FHIT: variants seen among roughly 807,000 people sequenced by gnomAD.
FHIT encodes the protein fragile histidine triad diadenosine triphosphatase, also known as bis(5'-adenosyl)-triphosphatase.
FHIT carries 19 observed loss-of-function variants against 17.9 expected under a neutral mutation model. The ratio of observed to expected loss-of-function variants is 1.06; its 90% CI spans 0.74 to 1.56. The LOEUF (loss-of-function observed/expected upper bound fraction) is 1.56. Among genes scored for constraint, FHIT ranks in the 40% most tolerant of loss-of-function variants. FHIT has a pLI of 0.00. For synonymous variants in FHIT, 81 were observed against 69.7 expected, an observed-to-expected ratio of 1.16 and a Z score of -0.81; for missense variants, 248 against 189.2, an observed-to-expected ratio of 1.31 and a Z score of -1.82.
intron 5 of FHIT, among the ~76,000 whole-genome samples, chr3:60,187,688 T>C (rs1374196969): frequency 1.3e-5 from 2 of 152,196 alleles, no homozygotes; most frequent in Non-Finnish European, 2.9e-5. Flanking sequence ...TATTGTCCTA[T>C]TTCAATACAA....
At chr3:59,964,276 A>C (rs972432786) in intron 7 of FHIT, among the ~76,000 whole-genome samples, 5 of 152,150 alleles carry the variant, frequency 3.3e-5, no homozygotes, top group South Asian at 2.1e-4. Context: ...GAACATTTGA[A>C]ATTAGCTTGA....
intron 4 of FHIT, among the ~76,000 whole-genome samples, chr3:60,651,755 C>A (rs1190846717): frequency 6.6e-6 from 1 of 152,194 alleles, no homozygotes; most frequent in South Asian, 2.1e-4. Context: ...TCATTCCAAG[C>A]ATTAGATTAA....
At chr3:60,186,179 G>A (rs548031034) in intron 5 of FHIT, among the ~76,000 whole-genome samples, 2 of 151,700 alleles carry the variant, frequency 1.3e-5, no homozygotes, top group East Asian at 1.9e-4. Flanking sequence ...CATGCATTAT[G>A]TTTTTGGTGG....
chr3:60,936,189 G>A (rs1708184919), intron 3 of FHIT, among the ~76,000 whole-genome samples: 1 of 152,074 alleles, frequency 6.6e-6, no homozygotes. Flanking sequence ...GTACATCAAG[G>A]GTTCCACTTT....
intron 3 of FHIT, among the ~76,000 whole-genome samples, chr3:60,983,586 C>CCA (rs976476989): frequency 3.9e-5 from 6 of 152,160 alleles, no homozygotes; most frequent in African/African-American, 1.4e-4. Context: ...CTGTAACAGC[C>CCA]TTTGGCCCTT....
chr3:60,623,183 T>C (rs58388563), intron 4 of FHIT, among the ~76,000 whole-genome samples: 1 of 152,208 alleles, frequency 6.6e-6, no homozygotes, highest in East Asian at 1.9e-4. Flanking sequence ...ATAACTTTTT[T>C]AATGCAATTG....
At chr3:60,838,066 A>T (rs1702594955) in intron 3 of FHIT, among the ~76,000 whole-genome samples, 1 of 152,144 alleles carries the variant, frequency 6.6e-6, no homozygotes. Context: ...TGTTGAAGAG[A>T]TCCATTTTTA....
chr3:60,558,006 G>A (rs940783145), intron 4 of FHIT, among the ~76,000 whole-genome samples: 6 of 151,968 alleles, frequency 3.9e-5, no homozygotes, highest in South Asian at 2.1e-4. Context: ...TTTAAAAAAC[G>A]CTTCTCTTGG....
At chr3:60,376,847 C>A (rs1401730934) in intron 5 of FHIT, among the ~76,000 whole-genome samples, 1 of 152,086 alleles carries the variant, frequency 6.6e-6, no homozygotes, top group Non-Finnish European at 1.5e-5. Flanking sequence ...ATTTTTAATA[C>A]CCCCATTGGA....
chr3:60,851,423 C>T (rs1164344366), intron 3 of FHIT, among the ~76,000 whole-genome samples: 1 of 152,100 alleles, frequency 6.6e-6, no homozygotes, highest in African/African-American at 2.4e-5. Context: ...CACTAAGATG[C>T]TCACACTAAG....
At chr3:60,904,787 A>G (rs1706312175) in intron 3 of FHIT, among the ~76,000 whole-genome samples, 1 of 151,924 alleles carries the variant, frequency 6.6e-6, no homozygotes, top group South Asian at 2.1e-4. Flanking sequence ...TAAAAATACA[A>G]AAATCAGCCA....
At chr3:60,695,572 G>A (rs1377777244) in intron 4 of FHIT, among the ~76,000 whole-genome samples, 3 of 152,222 alleles carry the variant, frequency 2.0e-5, no homozygotes, top group African/African-American at 7.2e-5. Flanking sequence ...GTAAACTGGG[G>A]GATAATACTG....
At chr3:61,230,576 C>T (rs1465991157) in intron 1 of FHIT, among the ~76,000 whole-genome samples, 1 of 152,062 alleles carries the variant, frequency 6.6e-6, no homozygotes, top group Non-Finnish European at 1.5e-5. Context: ...GGCCTAATAT[C>T]ATCACACACT....
chr3:60,266,395 G>A (rs148459382), intron 5 of FHIT, among the ~76,000 whole-genome samples: 159 of 152,100 alleles, frequency 1.0e-3, no homozygotes, highest in Non-Finnish European at 1.8e-3. Context: ...GCCGCGGAGG[G>A]GGCTTCATGA....
chr3:60,660,089 T>C (rs1271835797), intron 4 of FHIT, among the ~76,000 whole-genome samples: 1 of 152,006 alleles, frequency 6.6e-6, no homozygotes, highest in East Asian at 1.9e-4. Context: ...TGCTTTAAAA[T>C]GTACTAGTCT....
chr3:59,880,768 A>G (rs1400232169), intron 8 of FHIT, among the ~76,000 whole-genome samples: 1 of 152,252 alleles, frequency 6.6e-6, no homozygotes, highest in Non-Finnish European at 1.5e-5. Context: ...ATTCAGACAT[A>G]AAGTGAATTA....
chr3:59,931,998 T>A (rs1315044972), intron 7 of FHIT, among the ~76,000 whole-genome samples: 1 of 152,126 alleles, frequency 6.6e-6, no homozygotes, highest in Non-Finnish European at 1.5e-5. Flanking sequence ...GATAATGGAA[T>A]GTGATGCTAT....
intron 5 of FHIT, among the ~76,000 whole-genome samples, chr3:60,438,091 G>A (rs1012958814): frequency 6.6e-6 from 1 of 151,904 alleles, no homozygotes; most frequent in South Asian, 2.1e-4. Flanking sequence ...TTGGGATATG[G>A]CAACTGTGGC....
intron 4 of FHIT, among the ~76,000 whole-genome samples, chr3:60,784,040 G>GA (rs1255027577): frequency 1.3e-5 from 2 of 152,182 alleles, no homozygotes; most frequent in African/African-American, 4.8e-5. Context: ...GGCAGGTCGT[G>GA]AACTGCCCAT....
Sources: gnomAD v4.1 joint callset for allele counts (sites outside exome capture counted in the v4.1 genomes callset) on GRCh38, gnomAD v4.1.1 for gene constraint, MANE v1.5 for transcripts, NCBI Gene and HGNC (gene_info 2026-07-23, HGNC 2026-07-21) for gene names.